The following PSMB7 variants were observed in gnomAD, a reference collection of about 807,000 sequenced individuals.
The protein encoded by PSMB7 is proteasome 20S subunit beta 7, also known as proteasome subunit beta type-7.
In PSMB7, 5 loss-of-function variants were observed where a neutral mutation model predicts 28.1. The observed-to-expected ratio is 0.18, with a 90% CI of 0.09 to 0.37. The LOEUF is 0.37. Ranked by LOEUF, PSMB7 falls within the 10% of genes least tolerant of loss-of-function variation. PSMB7 has a pLI of 1.00. For synonymous variants in PSMB7, 122 were observed against 123.7 expected, an observed-to-expected ratio of 0.99 and a Z score of 0.09; for missense variants, 275 against 346.2, an observed-to-expected ratio of 0.79 and a Z score of 1.63.
At chr9:124,365,869 C>T (rs1306112452) in intron 6 of PSMB7, among the ~76,000 whole-genome samples, 1 of 152,018 alleles carries the variant, frequency 6.6e-6, no homozygotes. Context: ...GAGCTGTGAT[C>T]GTGCCACCGC....
chr9:124,409,944 A>T (rs1394584144), intron 4 of PSMB7, among the ~76,000 whole-genome samples: 2 of 152,236 alleles, frequency 1.3e-5, no homozygotes, highest in Non-Finnish European at 2.9e-5. Context: ...AATTTTGATA[A>T]AATTTAACTT....
intron 4 of PSMB7, among the ~76,000 whole-genome samples, chr9:124,410,388 T>C (rs935743216): frequency 1.3e-5 from 2 of 152,244 alleles, no homozygotes; most frequent in African/African-American, 4.8e-5. Flanking sequence ...ACAAAGAATC[T>C]TGAAACATCT....
intron 5 of PSMB7, chr9:124,396,652 T>C (rs1361145586): frequency 4.8e-6 from 2 of 413,994 alleles, no homozygotes; most frequent in Non-Finnish European, 9.9e-6. Flanking sequence ...TATTCCTAAA[T>C]TGTCCAAGGA....
At chr9:124,370,191 G>T (rs1350186875) in intron 6 of PSMB7, among the ~76,000 whole-genome samples, 3 of 150,422 alleles carry the variant, frequency 2.0e-5, no homozygotes, top group African/African-American at 4.9e-5. Flanking sequence ...TGCCAGTTTT[G>T]ATGTGCCTTA....
intron 5 of PSMB7, chr9:124,398,393 G>C: frequency 8.5e-6 from 2 of 235,802 alleles, no homozygotes; most frequent in Non-Finnish European, 1.9e-5. Flanking sequence ...AAGAAACTAA[G>C]AGAGCCACAG....
intron 6 of PSMB7, among the ~76,000 whole-genome samples, chr9:124,373,340 T>G (rs751257712): frequency 5.3e-5 from 8 of 152,206 alleles, no homozygotes; most frequent in Non-Finnish European, 1.2e-4. Context: ...ACCTAACGTT[T>G]TATGCTAAAT....
chr9:124,411,036 C>T (rs1418541786), intron 4 of PSMB7, among the ~76,000 whole-genome samples: 1 of 151,470 alleles, frequency 6.6e-6, no homozygotes, highest in Non-Finnish European at 1.5e-5. Context: ...AGTGCAGTGG[C>T]GTGATCTTGG....
Position 124,377,202 on chromosome 9 carries a change from C to T in PSMB7, c.570+7396G>A, listed in dbSNP as rs148622661. Among the ~76,000 whole-genome samples, 7 of 152,286 alleles carry T rather than the reference C, an allele frequency of 4.6e-5. No homozygotes were observed. In the East Asian group the frequency reaches 1.4e-3, roughly 29 times the overall value. ...AGGCCGCATCTAACGCTCACAGCAA[C>T]GTGCAGGCAGGTCTCTGTTCCGATC... On this transcript the variant is annotated intron_variant, in intron 6 of 7. Coordinates refer to ENST00000259457, the MANE Select transcript of PSMB7 (RefSeq NM_002799.4).
chr9:124,370,138 G>C (rs745594956), intron 6 of PSMB7, among the ~76,000 whole-genome samples: 13 of 152,076 alleles, frequency 8.5e-5, no homozygotes, highest in Non-Finnish European at 1.6e-4. Context: ...ATCTCTTCTG[G>C]TGGCGCAGAT....
chr9:124,414,728 T>A, intron 2 of PSMB7, 114 bp downstream of exon 2: 1 of 799,262 alleles, frequency 1.3e-6, no homozygotes, highest in Non-Finnish European at 2.2e-6. Flanking sequence ...GGTCTCCTGA[T>A]GTATTCTATA....
intron 7 of PSMB7, 41 bp from the exon 8 acceptor site, chr9:124,353,750 T>A: frequency 6.9e-7 from 1 of 1,439,046 alleles, no homozygotes; most frequent in Non-Finnish European, 9.8e-7. Flanking sequence ...AGGATTCTCC[T>A]CAAGGTGCCA....
At chr9:124,365,094 C>T (rs940919225) in intron 6 of PSMB7, among the ~76,000 whole-genome samples, 4 of 152,318 alleles carry the variant, frequency 2.6e-5, no homozygotes, top group Admixed American at 6.5e-5. Flanking sequence ...TGATGCAAAA[C>T]TCCTGCAAAA....
chr9:124,357,926 G>A (rs919579071), intron 6 of PSMB7, among the ~76,000 whole-genome samples: 5 of 152,224 alleles, frequency 3.3e-5, no homozygotes, highest in African/African-American at 9.6e-5. Flanking sequence ...GAGGCACTCA[G>A]AAAACAGCAG....
chr9:124,414,940 G>C lies in PSMB7; in HGVS notation c.63-5C>G, dbSNP rs375425129. On this transcript the variant is annotated splice_polypyrimidine_tract_variant and splice_region_variant and intron_variant, in intron 1 of 7. Coordinates refer to ENST00000259457, the MANE Select transcript of PSMB7 (RefSeq NM_002799.4). Reference sequence around the variant, plus strand: ...TCGGCTTCCAAGACGGCATTCCTAAGAGCAAATGAGAGAATCAAGTGTTGA... The same window carrying C: ...TCGGCTTCCAAGACGGCATTCCTAACAGCAAATGAGAGAATCAAGTGTTGA... 1.3e-6 allele frequency: 2 copies of C among 1,598,428 alleles called. No individual in the cohort carries two copies. Among genetic ancestry groups the C allele is most frequent in the Non-Finnish European group, 1.7e-6 (2 of 1,167,374 alleles).
At chr9:124,398,755 G>C (rs1830867202) in intron 5 of PSMB7, among the ~76,000 whole-genome samples, 1 of 152,154 alleles carries the variant, frequency 6.6e-6, no homozygotes, top group Non-Finnish European at 1.5e-5. Context: ...AATCACAGCA[G>C]CTGTGTTGTA....
At chr9:124,383,872 G>A (rs1830692394) in intron 6 of PSMB7, 2 of 152,316 alleles carry the variant, frequency 1.3e-5, no homozygotes. Context: ...TGCCGTGGAG[G>A]AGTAACGTGG....
At chr9:124,388,503 C>A (rs1830749247) in intron 5 of PSMB7, among the ~76,000 whole-genome samples, 1 of 152,252 alleles carries the variant, frequency 6.6e-6, no homozygotes, top group South Asian at 2.1e-4. Flanking sequence ...TTTCATCATC[C>A]TCATAGCAAC....
At chr9:124,367,867 A>G (rs911187574) in intron 6 of PSMB7, among the ~76,000 whole-genome samples, 1 of 152,134 alleles carries the variant, frequency 6.6e-6, no homozygotes, top group African/African-American at 2.4e-5. Context: ...AACACTCACA[A>G]ACACGATTAC....
intron 6 of PSMB7, among the ~76,000 whole-genome samples, chr9:124,369,827 T>C (rs79843626): frequency 0.03 from 4,548 of 152,216 alleles, 237 homozygotes; most frequent in African/African-American, 0.1. Flanking sequence ...CACATGCAAT[T>C]TGAGGTGGCT....
Sources: allele counts gnomAD v4.1 joint callset (sites outside exome capture counted in the v4.1 genomes callset), GRCh38; gene constraint gnomAD v4.1.1; transcripts MANE v1.5; gene names NCBI Gene and HGNC (gene_info 2026-07-23, HGNC 2026-07-21).